Variants in CCDC102B observed in about 807,000 individuals in gnomAD.
CCDC102B encodes the protein coiled-coil domain containing 102B.
CCDC102B carries 75 observed loss-of-function variants against 57.4 expected under a neutral mutation model. The observed-to-expected ratio is 1.31, with a 90% CI of 1.08 to 1.58. The LOEUF is 1.58. CCDC102B is among the 40% of genes most tolerant of loss of function. CCDC102B has a pLI of 0.00. For missense variants in CCDC102B, 636 were observed against 582.6 expected (o/e 1.09, Z -0.94); for synonymous variants, 206 against 201.9 (o/e 1.02, Z -0.17).
intron 6 of CCDC102B, among the ~76,000 whole-genome samples, chr18:68,901,007 C>G (rs1354964891): frequency 6.6e-6 from 1 of 152,138 alleles, no homozygotes; most frequent in Non-Finnish European, 1.5e-5. Context: ...GGCCATGGAT[C>G]ATCTATAAAT....
intron 6 of CCDC102B, among the ~76,000 whole-genome samples, chr18:68,941,795 C>G (rs1290233244): frequency 6.6e-6 from 1 of 151,924 alleles, no homozygotes; most frequent in Admixed American, 6.6e-5. Flanking sequence ...TTCTCAGAAT[C>G]CAGTATAACA....
chr18:68,996,999 G>C (rs2051046013), intron 6 of CCDC102B, among the ~76,000 whole-genome samples: 1 of 152,122 alleles, frequency 6.6e-6, no homozygotes, highest in Non-Finnish European at 1.5e-5. Flanking sequence ...CCCTCATCCT[G>C]TTCTTGTGAT....
intron 1 of CCDC102B, among the ~76,000 whole-genome samples, chr18:68,807,161 T>G (rs1599489286): frequency 6.6e-6 from 1 of 152,156 alleles, no homozygotes; most frequent in Non-Finnish European, 1.5e-5. Context: ...ATTTACATAC[T>G]TATGTTATTT....
intron 6 of CCDC102B, among the ~76,000 whole-genome samples, chr18:68,950,748 G>A (rs897376713): frequency 1.3e-5 from 2 of 152,002 alleles, no homozygotes; most frequent in African/African-American, 4.8e-5. Flanking sequence ...TGTTTACTTT[G>A]GAAAAAGCAT....
intron 6 of CCDC102B, among the ~76,000 whole-genome samples, chr18:68,941,759 T>C (rs2049386090): frequency 6.6e-6 from 1 of 152,102 alleles, no homozygotes; most frequent in Non-Finnish European, 1.5e-5. Flanking sequence ...TAAGGCAAGA[T>C]GAAAGTACAG....
chr18:69,023,766 T>A (rs532881386), intron 7 of CCDC102B, among the ~76,000 whole-genome samples: 1 of 151,976 alleles, frequency 6.6e-6, no homozygotes, highest in Non-Finnish European at 1.5e-5. Flanking sequence ...TATCATATTA[T>A]TTGCACCATG....
At chr18:68,997,748 A>T (rs963373332) in intron 6 of CCDC102B, among the ~76,000 whole-genome samples, 1 of 151,886 alleles carries the variant, frequency 6.6e-6, no homozygotes. Flanking sequence ...AGCTTTTTAG[A>T]AAGTTCTACT....
intron 7 of CCDC102B, among the ~76,000 whole-genome samples, chr18:69,027,042 C>G (rs181045171): frequency 6.6e-6 from 1 of 152,158 alleles, no homozygotes; most frequent in Non-Finnish European, 1.5e-5. Context: ...TTAAATGAGT[C>G]TTGATTATCA....
Position 69,022,460 on chromosome 18 carries a change from A to G in CCDC102B, c.1434+11356A>G, listed in dbSNP as rs568430957. ...GCTGTTCATTAATTTACGAGTAGGT[A>G]TAAAAATTATGGAAGCTACATAGAC... is the stretch of plus-strand genomic sequence containing the variant. On this transcript the variant is annotated intron_variant, in intron 7 of 7. Coordinates refer to ENST00000360242, the MANE Select transcript of CCDC102B (RefSeq NM_024781.3). Among the ~76,000 whole-genome samples the G allele has an allele frequency of 7.2e-5, 11 of 152,130 alleles. No individual in the cohort carries two copies. The South Asian group carries it at 2.1e-3, about 29-fold the overall frequency.
intron 6 of CCDC102B, among the ~76,000 whole-genome samples, chr18:68,911,437 G>A (rs1386432646): frequency 6.6e-6 from 1 of 152,100 alleles, no homozygotes; most frequent in African/African-American, 2.4e-5. Flanking sequence ...TCTACAGGAG[G>A]GTGGTGGGTG....
chr18:68,923,170 T>G (rs1170341630), intron 6 of CCDC102B, among the ~76,000 whole-genome samples: 4 of 75,852 alleles, frequency 5.3e-5, no homozygotes, highest in Non-Finnish European at 1.1e-4. Flanking sequence ...ACACATACAG[T>G]TTTTTTTTTA....
chr18:68,952,912 A>G (rs996066202), intron 6 of CCDC102B, among the ~76,000 whole-genome samples: 4 of 152,174 alleles, frequency 2.6e-5, no homozygotes, highest in African/African-American at 9.6e-5. Context: ...ACTCTTGTAC[A>G]TGTATACTAC....
intron 3 of CCDC102B, 55 bp downstream of exon 3, chr18:68,838,981 A>G: frequency 1.5e-6 from 2 of 1,359,892 alleles, no homozygotes; most frequent in Non-Finnish European, 2.1e-6. Flanking sequence ...ATCACTTAAA[A>G]TTGTTAATAC....
intron 2 of CCDC102B, among the ~76,000 whole-genome samples, chr18:68,791,454 G>T (rs938663516): frequency 6.6e-6 from 1 of 152,110 alleles, no homozygotes; most frequent in Non-Finnish European, 1.5e-5. Context: ...TAATCCTGGA[G>T]TAGAAGTCAC....
chr18:68,765,468 AAAGG>A lies in CCDC102B; in HGVS notation c.-67+48884_-67+48887del, dbSNP rs200650576. 1.0e-3 allele frequency among the ~76,000 whole-genome samples: 158 copies of A among 151,748 alleles called. No individual in the cohort carries two copies. In the East Asian group the frequency reaches 0.024, roughly 23 times the overall value. ...AGGAGAAAGAGGAAGAAAGAGAGAG[AAAGG>A]AAGGAAGGAGAGGAAGAAAGAAAGA... is the stretch of plus-strand genomic sequence containing the variant. On this transcript the variant is annotated intron_variant, in intron 2 of 3. Coordinates refer to the CCDC102B transcript ENST00000578970.
chr18:68,874,851 T>C (rs2039382606), intron 5 of CCDC102B, 66 bp downstream of exon 5: 1 of 1,001,818 alleles, frequency 1.0e-6, no homozygotes, highest in Non-Finnish European at 1.6e-6. Flanking sequence ...AATGCCATAC[T>C]ATTTTAAGTA....
At chr18:68,843,887 G>A (rs1234287138) in intron 3 of CCDC102B, among the ~76,000 whole-genome samples, 1 of 151,856 alleles carries the variant, frequency 6.6e-6, no homozygotes, top group Non-Finnish European at 1.5e-5. Flanking sequence ...TTTATAGAGT[G>A]CCCTCTGCTG....
intron 6 of CCDC102B, among the ~76,000 whole-genome samples, chr18:68,973,732 C>T (rs965287369): frequency 3.9e-5 from 6 of 151,962 alleles, no homozygotes; most frequent in African/African-American, 1.2e-4. Flanking sequence ...CAAAAATGTA[C>T]AATATTTGTG....
At chr18:68,932,674 G>A (rs1019209468) in intron 6 of CCDC102B, among the ~76,000 whole-genome samples, 1 of 151,882 alleles carries the variant, frequency 6.6e-6, no homozygotes, top group African/African-American at 2.4e-5. Flanking sequence ...AGGATTTGGG[G>A]AGAAGATACT....
Sources: gnomAD v4.1 joint callset for allele counts (sites outside exome capture counted in the v4.1 genomes callset) on GRCh38, gnomAD v4.1.1 for gene constraint, MANE v1.5 for transcripts, NCBI Gene and HGNC (gene_info 2026-07-23, HGNC 2026-07-21) for gene names.